The following SPAG11A variants were observed in gnomAD, a reference collection of about 807,000 sequenced individuals.
SPAG11A encodes the protein sperm-associated antigen 11A.
A neutral mutation model predicts 5.5 loss-of-function variants in SPAG11A; 2 were observed. The ratio of observed to expected loss-of-function variants is 0.37; its 90% confidence interval spans 0.15 to 1.15. The LOEUF is 1.15. Ranked by LOEUF, SPAG11A falls within the 50% of genes most tolerant of loss-of-function variation. SPAG11A has a pLI of 0.38. For synonymous variants in SPAG11A, 11 were observed against 42.7 expected (o/e 0.26, Z 2.90); for missense variants, 24 against 122.5 (o/e 0.20, Z 3.80).
At position 7,860,648 on chromosome 8, in the gene SPAG11A, G is replaced by A. The variant is rs145438337; in HGVS notation, c.217G>A (p.Asp73Asn). The change falls in exon 3 of 3, where the codon GAT (aspartate) becomes AAT (asparagine). Residue 73 changes from aspartate (D) to asparagine (N), a missense_variant and splice_region_variant. Asp to Asn is a conservative substitution (Grantham distance 23, BLOSUM62 1). This residue lies in a region of SPAG11A where 0 missense variants were observed against 41.5 expected (regional missense o/e 0.00). Transcript: ENST00000642566. ...ACTCTCTTCTGTTGTATCCATAGGG[G>A]ATGTTCCACTGGGAATTAGAAATAC... is the stretch of plus-strand genomic sequence containing the variant. 8,656 of 1,444,506 alleles carry A rather than the reference G, an allele frequency of 6.0e-3. 887 individuals carry two copies. The highest frequency in any genetic ancestry group is 6.9e-3 in the Non-Finnish European group (7,372 of 1,065,396). 89.5% of individuals were successfully genotyped at this position (1,444,506 alleles called of 1,614,324 possible). A position where few individuals can be genotyped will look rare whatever the true frequency, so the allele number is the denominator to read the frequency against.
downstream of SPAG11A, among the ~76,000 whole-genome samples, chr8:7,861,690 G>A (rs1449950480): frequency 1.5e-5 from 2 of 130,296 alleles, no homozygotes; most frequent in African/African-American, 5.3e-5. Flanking sequence ...CTGAGAGATA[G>A]AGACCACATG....
In SPAG11A at chr8:7,857,713, A is replaced by G. The variant is rs537907002; in HGVS notation, c.215-2933A>G. Among the ~76,000 whole-genome samples, 163 of 89,554 alleles carry G rather than the reference A, an allele frequency of 1.8e-3. 1 individual carries two copies. Among genetic ancestry groups the G allele is most frequent in the African/African-American group, 4.6e-3 (153 of 32,972 alleles). 58.8% of individuals were successfully genotyped at this position (89,554 alleles called of 152,430 possible). A position where few individuals can be genotyped will look rare whatever the true frequency, so the allele number is the denominator to read the frequency against. ...CTTCGAAGGTGATTTTGCAAGGTAC[A>G]GAAAGGTCTGTGAGTCAGAGAGTCC... On this transcript the variant is annotated intron_variant, in intron 2 of 2. Transcript: ENST00000642566.
chr8:7,857,462 TTG>T (rs1171931759), intron 2 of SPAG11A, among the ~76,000 whole-genome samples: 5 of 74,190 alleles, frequency 6.7e-5, no homozygotes, highest in African/African-American at 1.9e-4. Context: ...TTTTTTTTTT[TTG>T]AGAGATTTCA....
Position 7,857,681 on chromosome 8 carries a change from G to A in SPAG11A, c.215-2965G>A, listed in dbSNP as rs1464433874. ...CTTGGAGTGCCCAATTTTCCCTAAA[G>A]TCTTAACTTCGAAGGTGATTTTGCA... On this transcript the variant is annotated intron_variant, in intron 2 of 2. Coordinates refer to ENST00000642566, the Ensembl canonical transcript of SPAG11A. 1.6e-4 allele frequency among the ~76,000 whole-genome samples: 14 copies of A among 88,090 alleles called. 2 individuals carry two copies. The allele number at this position is 88,090 out of a possible 152,430, so 57.8% of individuals were successfully genotyped here. A position where few individuals can be genotyped will look rare whatever the true frequency, so the allele number is the denominator to read the frequency against.
At chr8:7,858,226 G>A (rs1818096354) in intron 2 of SPAG11A, among the ~76,000 whole-genome samples, 2 of 111,200 alleles carry the variant, frequency 1.8e-5, no homozygotes, top group African/African-American at 5.4e-5. Context: ...AAATCTAAGT[G>A]ATCCTGGGAC....
rs1425378706 is a variant in SPAG11A, at chr8:7,858,576, T to A, written c.215-2070T>A. ...TTGGAATAATGTGGTACGTTGTCTC[T>A]GTTTTTTTTTTCTTTCAGCATAGCG... is the stretch of plus-strand genomic sequence containing the variant. On this transcript the variant is annotated intron_variant, in intron 2 of 2. Transcript: ENST00000642566. Among the ~76,000 whole-genome samples, 30 of 93,682 alleles carry A rather than the reference T, an allele frequency of 3.2e-4. 7 individuals are homozygous for A. Among genetic ancestry groups the A allele is most frequent in the African/African-American group, 7.0e-4 (24 of 34,298 alleles). The allele number at this position is 93,682 out of a possible 152,430, so 61.5% of individuals were successfully genotyped here. A position where few individuals can be genotyped will look rare whatever the true frequency, so the allele number is the denominator to read the frequency against.
chr8:7,860,683 T>C, exon 3 of SPAG11A: 1 of 1,521,448 alleles, frequency 6.6e-7, no homozygotes, highest in Non-Finnish European at 8.8e-7. Context: ...CCATCTGCCG[T>C]ATGCAGCAAG....
At chr8:7,852,200 T>C (rs1817945632) in intron 2 of SPAG11A, among the ~76,000 whole-genome samples, 1 of 151,264 alleles carries the variant, frequency 6.6e-6, no homozygotes, top group Non-Finnish European at 1.5e-5. Context: ...CTTGCAGATA[T>C]CAGTCTGGCA....
At chr8:7,857,629 T>C (rs1300196526) in intron 2 of SPAG11A, among the ~76,000 whole-genome samples, 9 of 86,586 alleles carry the variant, frequency 1.0e-4, no homozygotes, top group Admixed American at 4.9e-4. Context: ...TTTTCTCTCT[T>C]TTTTTTTGAT....
intron 2 of SPAG11A, among the ~76,000 whole-genome samples, chr8:7,852,018 G>T (rs1309816653): frequency 8.2e-6 from 1 of 122,692 alleles, no homozygotes; most frequent in South Asian, 2.4e-4. Flanking sequence ...TGCGGGGAGT[G>T]TGTCTCAGCT....
intron 2 of SPAG11A, 169 bp from the exon 3 acceptor site, chr8:7,860,477 A>T (rs1818171731): frequency 7.1e-7 from 1 of 1,402,572 alleles, no homozygotes; most frequent in East Asian, 3.3e-5. Flanking sequence ...TCAGATATAA[A>T]TTATCGTTCC....
At chr8:7,861,890 CCT>C (rs1249390401), downstream of SPAG11A, among the ~76,000 whole-genome samples, 2 of 124,876 alleles carry the variant, frequency 1.6e-5, no homozygotes, top group African/African-American at 5.5e-5. Flanking sequence ...TTGCCTTTGG[CCT>C]CTCGCAACCT....
intron 2 of SPAG11A, among the ~76,000 whole-genome samples, chr8:7,856,981 T>C (rs1298903010): frequency 6.8e-6 from 1 of 147,602 alleles, no homozygotes; most frequent in Non-Finnish European, 1.5e-5. Context: ...AGAAGGTACA[T>C]GATAAAATTT....
chr8:7,860,087 C>G (rs1272138572), intron 2 of SPAG11A, among the ~76,000 whole-genome samples: 1 of 150,040 alleles, frequency 6.7e-6, no homozygotes, highest in Non-Finnish European at 1.5e-5. Flanking sequence ...GCAGATCTGA[C>G]ATAAGTAAGA....
At chr8:7,861,319 G>T (rs1818207670), downstream of SPAG11A, among the ~76,000 whole-genome samples, 1 of 144,262 alleles carries the variant, frequency 6.9e-6, no homozygotes, top group Non-Finnish European at 1.5e-5. Flanking sequence ...TTACTCTTAG[G>T]CTATTTCAAT....
chr8:7,860,526 G>A (rs2128928770), intron 2 of SPAG11A, 120 bp from the exon 3 acceptor site: 4 of 1,350,908 alleles, frequency 3.0e-6, no homozygotes, highest in Non-Finnish European at 4.0e-6. Context: ...GTTAAACTGG[G>A]GCTTGTCCAA....
chr8:7,862,795 G>T (rs1341826384), downstream of SPAG11A, among the ~76,000 whole-genome samples: 1 of 127,038 alleles, frequency 7.9e-6, no homozygotes, highest in African/African-American at 2.7e-5. Context: ...GAGGGAAGGC[G>T]GTGCAGGCTC....
At chr8:7,857,622 T>TTC (rs1818079849) in intron 2 of SPAG11A, among the ~76,000 whole-genome samples, 1 of 77,180 alleles carries the variant, frequency 1.3e-5, no homozygotes, top group African/African-American at 3.3e-5. Context: ...CTTTTTTTTT[T>TTC]CTCTCTTTTT....
downstream of SPAG11A, among the ~76,000 whole-genome samples, chr8:7,861,506 A>C (rs1164258957): frequency 0.01 from 1,467 of 144,996 alleles, 15 homozygotes; most frequent in African/African-American, 0.034. Flanking sequence ...CCTTCTAAAA[A>C]ACATATTTCT....
Sources: gnomAD v4.1 joint callset for allele counts (sites outside exome capture counted in the v4.1 genomes callset) on GRCh38, gnomAD v4.1.1 for gene constraint, gnomAD v4.1.1 regional missense constraint, MANE v1.5 for transcripts, NCBI Gene and HGNC (gene_info 2026-07-23, HGNC 2026-07-21) for gene names.